Variants in STK11 observed in about 807,000 individuals in gnomAD.
STK11 encodes the protein serine/threonine kinase 11, also known as serine/threonine-protein kinase STK11.
Under a neutral mutation model 47.3 loss-of-function variants are expected in STK11, and 8 were observed. The ratio of observed to expected loss-of-function variants is 0.17; its 90% CI spans 0.10 to 0.31. The LOEUF (loss-of-function observed/expected upper bound fraction) is 0.31. STK11 is among the 10% of genes least tolerant of loss of function. STK11 has a pLI of 1.00. For missense variants in STK11, 475 were observed against 605.0 expected (o/e 0.79, Z 2.25); for synonymous variants, 330 against 255.8 (o/e 1.29, Z -2.77).
intron 1 of STK11, among the ~76,000 whole-genome samples, chr19:1,214,551 G>A (rs1031425571): frequency 3.3e-5 from 5 of 152,170 alleles, no homozygotes; most frequent in Non-Finnish European, 7.3e-5. Flanking sequence ...ACATGGTGTC[G>A]GCAGGTGGTG....
intron 1 of STK11, among the ~76,000 whole-genome samples, chr19:1,215,447 G>T (rs552561086): frequency 6.6e-6 from 1 of 152,210 alleles, no homozygotes; most frequent in Admixed American, 6.5e-5. Context: ...CACTGGCTCC[G>T]CTTCTGGGGG....
At position 1,224,298 on chromosome 19, in the gene STK11, T is replaced by C. The variant is rs1179618548; in HGVS notation, c.1108+1126T>C. The C allele has an allele frequency of 1.1e-5, 11 of 985,260 alleles. No homozygotes were observed. The African/African-American group carries it at 1.9e-4, about 17-fold the overall frequency. 61.0% of individuals were successfully genotyped at this position (985,260 alleles called of 1,614,324 possible). On this transcript the variant is annotated intron_variant, in intron 8 of 9. Transcript: ENST00000326873. ...CCCAGGATCACAGGGTCTCAGCTCC[T>C]GGGCTCTTGGATTTGCAGCACCACG... is the stretch of plus-strand genomic sequence containing the variant.
intron 8 of STK11, chr19:1,224,514 G>GA: frequency 1.0e-6 from 1 of 985,514 alleles, no homozygotes; most frequent in East Asian, 1.1e-4. Flanking sequence ...TCCCAGGCAG[G>GA]AGGGCCAGTT....
intron 1 of STK11, among the ~76,000 whole-genome samples, chr19:1,211,654 CTG>C (rs1393309470): frequency 5.3e-5 from 8 of 152,260 alleles, no homozygotes; most frequent in Non-Finnish European, 1.2e-4. Context: ...TTGCAAAACA[CTG>C]TGCTTTCGTA....
chr19:1,210,423 A>G (rs2080701712), intron 1 of STK11, among the ~76,000 whole-genome samples: 1 of 152,132 alleles, frequency 6.6e-6, no homozygotes, highest in Admixed American at 6.6e-5. Flanking sequence ...GCGATCACCA[A>G]GGGGGGTGGG....
chr19:1,225,708 G>A (rs1225994118), intron 8 of STK11: 2 of 985,586 alleles, frequency 2.0e-6, no homozygotes, highest in Non-Finnish European at 2.4e-6. Flanking sequence ...GGGGCAGCCC[G>A]GGGCGGCCTC....
intron 1 of STK11, among the ~76,000 whole-genome samples, chr19:1,211,416 G>GGACA (rs915326616): frequency 2.6e-5 from 4 of 152,108 alleles, no homozygotes; most frequent in African/African-American, 9.7e-5. Context: ...GCTTCTCGGG[G>GGACA]GACAGCACGG....
Position 1,206,785 on chromosome 19 carries a change from G to C in STK11, c.-129G>C, listed in dbSNP as rs1218815340. ...AGAAGGGTTTTTCCCTTCCTTTTGG[G>C]GTTTTTGTTGCCTTTTTTTTTTCTT... On this transcript the variant is annotated 5_prime_UTR_variant, in exon 1 of 10. Transcript: ENST00000326873. 8.3e-7 allele frequency: 1 copy of C among 1,204,316 alleles called. No homozygotes were observed. Among genetic ancestry groups the C allele is most frequent in the Non-Finnish European group, 1.1e-6 (1 of 887,070 alleles). The allele number at this position is 1,204,316 out of a possible 1,614,324, so 74.6% of individuals were successfully genotyped here.
chr19:1,212,941 A>G (rs913534787), intron 1 of STK11, among the ~76,000 whole-genome samples: 28 of 151,004 alleles, frequency 1.9e-4, no homozygotes, highest in African/African-American at 6.8e-4. Flanking sequence ...TGGCCTCCCA[A>G]AGTGCTGGGA....
At position 1,214,988 on chromosome 19, in the gene STK11, C is replaced by T. The variant is rs1218162219; in HGVS notation, c.291-3429C>T. Among the ~76,000 whole-genome samples, 3 of 152,362 alleles carry T rather than the reference C, an allele frequency of 2.0e-5. No homozygotes were observed. In the East Asian group the frequency reaches 5.8e-4, roughly 29 times the overall value. ...CCGCCCCCCGGCCACCGCATCTCCT[C>T]TGAATAGAAGGCAAGTCTTGCCTCC... On this transcript the variant is annotated intron_variant, in intron 1 of 9. Coordinates refer to ENST00000326873, the MANE Select transcript of STK11 (RefSeq NM_000455.5).
chr19:1,218,799 A>T (rs2145421318), intron 2 of STK11, among the ~76,000 whole-genome samples: 3 of 152,320 alleles, frequency 2.0e-5, no homozygotes, highest in African/African-American at 7.2e-5. Flanking sequence ...GAGACAGGCC[A>T]CGCGGGCTGA....
At chr19:1,225,607 T>C in intron 8 of STK11, 3 of 985,286 alleles carry the variant, frequency 3.0e-6, no homozygotes, top group Non-Finnish European at 3.6e-6. Context: ...CCTGTGCACA[T>C]GGGGTGGGTG....
chr19:1,226,921 C>A, intron 9 of STK11: 1 of 489,896 alleles, frequency 2.0e-6, no homozygotes, highest in Non-Finnish European at 3.6e-6. Context: ...TCCTCACAGC[C>A]ACCTCTCAGA....
rs2145427244 is a variant in STK11, at chr19:1,221,330, C to G, written c.852C>G (p.Asp284Glu). ...GCGACTGTGGCCCCCCGCTCTCTGA[C>G]CTGCTGAAAGGTGGGAGCCTCATCC... The part of the protein sequence containing the change: ...IPGDCGPPLS[D>E]LLKGMLEYEP... The change falls in exon 6 of 10, where the codon GAC becomes GAG. Residue 284 changes from aspartate (D) to glutamate (E), a missense_variant. By Grantham distance (45) the Asp-to-Glu change is conservative. Coordinates refer to ENST00000326873, the MANE Select transcript of STK11 (RefSeq NM_000455.5). The G allele has an allele frequency of 6.2e-7, 1 of 1,608,544 alleles. No individual in the cohort carries two copies. Among genetic ancestry groups the G allele is most frequent in the Non-Finnish European group, 8.5e-7 (1 of 1,177,730 alleles).
Position 1,220,445 on chromosome 19 carries a change from G to A in STK11, c.537G>A (p.Pro179=), listed in dbSNP as rs528535500. The A allele has an allele frequency of 1.2e-5, 19 of 1,606,732 alleles. No homozygotes were observed. Among genetic ancestry groups the A allele is most frequent in the Middle Eastern group, 1.6e-4 (1 of 6,068 alleles). The change falls in exon 4 of 10, where the codon CCG becomes CCA. Residue 179 remains proline (P), a synonymous_variant. Transcript: ENST00000326873. The part of the protein sequence containing the change: ...SQGIVHKDIK[P]GNLLLTTGGT... ...GCATTGTGCACAAGGACATCAAGCC[G>A]GGGAACCTGCTGCTCACCACCGGTG...
chr19:1,221,305 G>T lies in STK11; in HGVS notation c.827G>T (p.Gly276Val), dbSNP rs749927908. The change falls in exon 6 of 10, where the codon GGC (glycine) becomes GTC (valine). Residue 276 changes from glycine to valine, a missense_variant. By Grantham distance (109) the Gly-to-Val change is moderately radical. This residue lies in a region of STK11 where 130 missense variants were observed against 239.7 expected (regional missense o/e 0.54). Transcript: ENST00000326873. ...GGGAAGGGGAGCTACGCCATCCCGG[G>T]CGACTGTGGCCCCCCGCTCTCTGAC... Reference protein sequence around the residue: ...NIGKGSYAIPGDCGPPLSDLL... With the variant: ...NIGKGSYAIPVDCGPPLSDLL... 9.3e-6 allele frequency: 15 copies of T among 1,610,556 alleles called. No individual in the cohort carries two copies. The Admixed American group carries it at 2.0e-4, about 22-fold the overall frequency.
intron 1 of STK11, among the ~76,000 whole-genome samples, chr19:1,210,900 C>A (rs959666085): frequency 7.0e-6 from 1 of 142,410 alleles, no homozygotes; most frequent in African/African-American, 2.6e-5. Flanking sequence ...TGGTGGCTCA[C>A]GCCTGTAATC....
intron 3 of STK11, 171 bp from the exon 4 acceptor site, chr19:1,220,202 G>C: frequency 1.2e-6 from 1 of 840,622 alleles, no homozygotes; most frequent in South Asian, 2.0e-5. Flanking sequence ...CACTGCAGGC[G>C]CAGGTGTGGC....
rs558040549 is a variant in STK11 at position 1,226,535 on chromosome 19, C to T, written c.1190C>T (p.Ala397Val). ...PKAVCMNGTEAAQLSTKSRAE... is the reference protein window; with the variant it reads ...PKAVCMNGTEVAQLSTKSRAE... ...GCCGTGTGTATGAACGGCACAGAGG[C>T]GGCGCAGCTGAGCACCAAATCCAGG... Residue 397 changes from alanine to valine, a missense_variant, in exon 9 of 10, where the codon GCG becomes GTG. Physicochemically the swap from Ala to Val is moderately conservative, Grantham distance 64 (BLOSUM62 0). Coordinates refer to ENST00000326873, the MANE Select transcript of STK11 (RefSeq NM_000455.5). The T allele has an allele frequency of 2.7e-5, 44 of 1,606,608 alleles. 2 individuals are homozygous for T. Among genetic ancestry groups the T allele is most frequent in the East Asian group, 2.5e-4 (11 of 44,578 alleles).
Sources: gnomAD v4.1 joint callset for allele counts (sites outside exome capture counted in the v4.1 genomes callset) on GRCh38, gnomAD v4.1.1 for gene constraint, gnomAD v4.1.1 regional missense constraint, MANE v1.5 for transcripts, NCBI Gene and HGNC (gene_info 2026-07-23, HGNC 2026-07-21) for gene names.